COPA: variants seen among roughly 807,000 people sequenced by gnomAD.
COPA encodes coat protein complex I subunit alpha, also known as coatomer subunit alpha.
COPA carries 10 observed loss-of-function variants against 158.7 expected under a neutral mutation model. The observed-to-expected ratio is 0.06, with a 90% CI of 0.04 to 0.11. The LOEUF (loss-of-function observed/expected upper bound fraction) is 0.11. COPA is among the 10% of genes least tolerant of loss of function. The probability of loss-of-function intolerance (pLI) is 1.00; values close to 1 mark genes in which losing one functional copy is unlikely to be tolerated. For missense variants in COPA, 1,065 were observed against 1,536.7 expected (o/e 0.69, Z 5.13); for synonymous variants, 462 against 542.8 (o/e 0.85, Z 2.07).
At chr1:160,332,121 T>C (rs551107520) in intron 6 of COPA, among the ~76,000 whole-genome samples, 13 of 152,350 alleles carry the variant, frequency 8.5e-5, no homozygotes, top group Non-Finnish European at 1.6e-4. Flanking sequence ...CTTTTTGTCA[T>C]AGATGTATTT....
chr1:160,333,585 C>T lies in COPA; in HGVS notation c.386+18G>A. On this transcript the variant is annotated intron_variant, in intron 5 of 32. Coordinates refer to ENST00000241704, the MANE Select transcript of COPA (RefSeq NM_004371.4). ...GAAAAATGAAGACTCTTTTCGAGCC[C>T]TCTGCCTCCTGCTTTACCAAACACA... is the stretch of plus-strand genomic sequence containing the variant. 1 of 1,596,810 alleles carries T rather than the reference C, an allele frequency of 6.3e-7. No individual in the cohort carries two copies. The highest frequency in any genetic ancestry group is 1.1e-5 in the South Asian group (1 of 89,644).
chr1:160,342,700 T>C (rs900778040), intron 1 of COPA, among the ~76,000 whole-genome samples: 3 of 152,072 alleles, frequency 2.0e-5, no homozygotes, highest in African/African-American at 7.2e-5. Context: ...TTAAGTGAGG[T>C]TGCCACTACT....
chr1:160,318,492 C>G (rs200834439), intron 8 of COPA, among the ~76,000 whole-genome samples: 1 of 58,078 alleles, frequency 1.7e-5, no homozygotes, highest in Non-Finnish European at 2.8e-5. Context: ...AAAAAAAAAA[C>G]AAAAAAAAAA....
chr1:160,291,219 C>G, intron 31 of COPA, 116 bp downstream of exon 31: 1 of 1,194,664 alleles, frequency 8.4e-7, no homozygotes, highest in Non-Finnish European at 1.2e-6. Flanking sequence ...ATTCTGTTGG[C>G]TTTTTGTTGA....
intron 6 of COPA, among the ~76,000 whole-genome samples, chr1:160,326,904 G>C (rs921868537): frequency 2.0e-5 from 3 of 152,178 alleles, no homozygotes; most frequent in African/African-American, 7.2e-5. Context: ...CTTATTTGTA[G>C]AGGACCCACA....
Position 160,326,556 on chromosome 1 carries a change from A to C in COPA, c.497-904T>G, listed in dbSNP as rs189153516. On this transcript the variant is annotated intron_variant, in intron 6 of 32. Transcript: ENST00000241704. ...AAGAAAAGCCATTTGAAGAAGCCAC[A>C]GTGCAGTGTTTCTCAACTTGAAGCC... Among the ~76,000 whole-genome samples the C allele has an allele frequency of 6.7e-3, 1,027 of 152,286 alleles. 7 individuals carry two copies. The highest frequency in any genetic ancestry group is 0.01 in the Non-Finnish European group (701 of 68,020).
At chr1:160,304,642 C>CGA (rs1186173937) in intron 17 of COPA, among the ~76,000 whole-genome samples, 2 of 151,750 alleles carry the variant, frequency 1.3e-5, no homozygotes, top group Non-Finnish European at 2.9e-5. Flanking sequence ...CCAGCCTGGG[C>CGA]GAGACTCCGT....
intron 3 of COPA, among the ~76,000 whole-genome samples, chr1:160,336,643 C>A (rs1647775178): frequency 6.6e-6 from 1 of 152,180 alleles, no homozygotes; most frequent in Non-Finnish European, 1.5e-5. Flanking sequence ...AATAGCTTAT[C>A]TTCCTCATTC....
chr1:160,307,828 A>G (rs1658838294), intron 13 of COPA, among the ~76,000 whole-genome samples: 1 of 152,226 alleles, frequency 6.6e-6, no homozygotes, highest in African/African-American at 2.4e-5. Context: ...GCTTATTAGA[A>G]TTTTGAAATG....
intron 4 of COPA, 123 bp downstream of exon 4, chr1:160,335,119 G>C (rs1222277928): frequency 2.6e-6 from 2 of 762,684 alleles, no homozygotes; most frequent in Middle Eastern, 2.7e-4. Context: ...ATACCACACA[G>C]ATTGTAGAAG....
chr1:160,342,866 G>A (rs1648153306), intron 1 of COPA, among the ~76,000 whole-genome samples: 1 of 152,172 alleles, frequency 6.6e-6, no homozygotes, highest in Admixed American at 6.5e-5. Flanking sequence ...AGAGAGAAAG[G>A]GGGAAGAAAG....
intron 10 of COPA, 86 bp from the exon 11 acceptor site, chr1:160,312,104 A>T (rs372009870): frequency 1.4e-6 from 2 of 1,411,844 alleles, no homozygotes; most frequent in Non-Finnish European, 9.7e-7. Flanking sequence ...GATGAAGATT[A>T]TATCTGTAAG....
Position 160,343,186 on chromosome 1 carries a change from C to G in COPA, c.-16G>C. The G allele has an allele frequency of 6.2e-7, 1 of 1,614,202 alleles. No homozygotes were observed. Among genetic ancestry groups the G allele is most frequent in the Non-Finnish European group, 8.5e-7 (1 of 1,180,020 alleles). ...TGGTTAACATCTCTCAGGTCTCCGA[C>G]TCCGATGTCTTAATCCGAGCCCCGA... On this transcript the variant is annotated 5_prime_UTR_variant, in exon 1 of 33. Coordinates refer to ENST00000241704, the MANE Select transcript of COPA (RefSeq NM_004371.4).
intron 25 of COPA, 105 bp from the exon 26 acceptor site, chr1:160,293,568 C>T (rs2101822968): frequency 2.4e-6 from 2 of 839,054 alleles, no homozygotes; most frequent in South Asian, 3.8e-5. Flanking sequence ...GATCTCGGCA[C>T]ACTGCAACCT....
intron 17 of COPA, among the ~76,000 whole-genome samples, chr1:160,302,062 A>C (rs1658624694): frequency 6.6e-6 from 1 of 152,134 alleles, no homozygotes; most frequent in African/African-American, 2.4e-5. Context: ...CAAGAAAAAT[A>C]TAGTAATATA....
At chr1:160,311,732 G>C in intron 11 of COPA, 136 bp downstream of exon 11, 2 of 861,752 alleles carry the variant, frequency 2.3e-6, no homozygotes, top group Non-Finnish European at 1.5e-6. Flanking sequence ...GGGCGACAAA[G>C]CGAGACTCCG....
chr1:160,294,441 G>A, intron 25 of COPA, 43 bp downstream of exon 25: 1 of 1,550,374 alleles, frequency 6.5e-7, no homozygotes, highest in Non-Finnish European at 8.9e-7. Flanking sequence ...GCTTCCACAG[G>A]GAGATACGGA....
chr1:160,312,781 G>A (rs762268952), intron 10 of COPA, among the ~76,000 whole-genome samples: 2 of 152,166 alleles, frequency 1.3e-5, no homozygotes, highest in African/African-American at 2.4e-5. Flanking sequence ...TGCATTTGCT[G>A]TTCCCATTGC....
At chr1:160,309,809 AACCCC>A (rs1177255443) in intron 12 of COPA, among the ~76,000 whole-genome samples, 6 of 151,104 alleles carry the variant, frequency 4.0e-5, no homozygotes, top group African/African-American at 1.5e-4. Context: ...CTCTGAAGCC[AACCCC>A]ACTGATATGA....
Sources: allele counts gnomAD v4.1 joint callset (sites outside exome capture counted in the v4.1 genomes callset), GRCh38; gene constraint gnomAD v4.1.1; transcripts MANE v1.5; gene names NCBI Gene and HGNC (gene_info 2026-07-23, HGNC 2026-07-21).